The following LAMA5 variants were observed in gnomAD, a reference collection of about 807,000 sequenced individuals.
LAMA5 encodes laminin subunit alpha 5, also known as laminin subunit alpha-5.
LAMA5 carries 260 observed loss-of-function variants against 433.4 expected under a neutral mutation model. The observed-to-expected ratio is 0.60, with a 90% CI of 0.54 to 0.66. The LOEUF (loss-of-function observed/expected upper bound fraction) is 0.66, where lower values mean the gene tolerates loss of function less well. Among genes scored for constraint, LAMA5 ranks in the 30% least tolerant of loss-of-function variants. LAMA5 has a pLI of 0.00. For missense variants in LAMA5, 5,378 were observed against 5,258.5 expected (o/e 1.02, Z -0.70); for synonymous variants, 2,620 against 2,226.6 (o/e 1.18, Z -4.97).
In LAMA5 at chr20:62,312,677, T is replaced by C. The variant is rs1208359607; in HGVS notation, c.9182A>G (p.Asp3061Gly). 6.2e-7 allele frequency: 1 copy of C among 1,607,460 alleles called. No individual in the cohort carries two copies. Among genetic ancestry groups the C allele is most frequent in the Non-Finnish European group, 8.5e-7 (1 of 1,177,912 alleles). The change falls in exon 67 of 80, where the codon GAC becomes GGC. Residue 3061 changes from aspartate (D) to glycine (G), a missense_variant. Transcript: ENST00000252999. ...CGGCACGCCCCCCAGGTAGTAGGCG[T>C]CGGCCAGCTCCAGATCATTGTCCTG... is the stretch of plus-strand genomic sequence containing the variant. ...VEQDNDLELA[D>G]AYYLGGVPPD...
At chr20:62,327,168 C>T in intron 38 of LAMA5, 65 bp downstream of exon 38, 1 of 1,418,882 alleles carries the variant, frequency 7.0e-7, no homozygotes. Flanking sequence ...GCTCCTGGCT[C>T]CCAACCCTCT....
At position 62,335,066 on chromosome 20, in the gene LAMA5, C is replaced by G. The variant is rs749616184; in HGVS notation, c.2437G>C (p.Asp813His). 6.2e-7 allele frequency: 1 copy of G among 1,613,014 alleles called. No homozygotes were observed. The highest frequency in any genetic ancestry group is 8.5e-7 in the Non-Finnish European group (1 of 1,179,702). Reference protein sequence around the residue: ...VCGQACASCKDGFFGLDQADY... With the variant: ...VCGQACASCKHGFFGLDQADY... ...GCCTGATCCAGTCCAAAGAAGCCAT[C>G]CTTGCAGGACGCGCAGGCCTGGCCG... Residue 813 changes from aspartate to histidine, a missense_variant, in exon 20 of 80, where the codon GAT becomes CAT. Coordinates refer to ENST00000252999, the MANE Select transcript of LAMA5 (RefSeq NM_005560.6).
In LAMA5 at chr20:62,335,259, G is replaced by A. The variant is rs762610515; in HGVS notation, c.2334C>T (p.Cys778=). 11 of 1,612,338 alleles carry A rather than the reference G, an allele frequency of 6.8e-6. No individual in the cohort carries two copies. The highest frequency in any genetic ancestry group is 1.7e-4 in the Middle Eastern group (1 of 5,930). The change falls in exon 19 of 80, where the codon TGC becomes TGT. Residue 778 remains cysteine, a synonymous_variant. Coordinates refer to ENST00000252999, the MANE Select transcript of LAMA5 (RefSeq NM_005560.6). ...SNPEGCTRCS[C]DLRGTLGGVA... ...CTCCACCCAGTGTGCCCCTGAGGTC[G>A]CAGCTGCAGCCTGGGGAGAGCAGGG...
At chr20:62,335,732 C>G (rs1284348471) in intron 18 of LAMA5, among the ~76,000 whole-genome samples, 1 of 147,534 alleles carries the variant, frequency 6.8e-6, no homozygotes, top group African/African-American at 2.5e-5. Context: ...GCTCCAGCAC[C>G]CCGAGGAAAC....
intron 75 of LAMA5, 41 bp from the exon 76 acceptor site, chr20:62,310,613 C>G: frequency 6.3e-7 from 1 of 1,581,346 alleles, no homozygotes; most frequent in Non-Finnish European, 8.6e-7. Flanking sequence ...CCCAGGGCAG[C>G]TGAAAGGGAA....
chr20:62,347,507 C>G (rs895718443), intron 6 of LAMA5, among the ~76,000 whole-genome samples: 9 of 152,188 alleles, frequency 5.9e-5, no homozygotes, highest in Admixed American at 5.9e-4. Flanking sequence ...ATTTGCACCC[C>G]CCAAGGCTCA....
At chr20:62,313,057 G>GGGGATGGC (rs1986497111) in intron 65 of LAMA5, 31 bp downstream of exon 65, 1 of 1,604,330 alleles carries the variant, frequency 6.2e-7, no homozygotes, top group Middle Eastern at 1.7e-4. Flanking sequence ...CAGTGCAAGT[G>GGGGATGGC]GGGATGGCAG....
rs570886207 is a variant in LAMA5, at chr20:62,340,491, A to G, written c.1478-1883T>C. ...CATGCACAGCTTATTTTGTATTTTT[A>G]GTAGAGACGGGGTTTCTCCATGTTG... On this transcript the variant is annotated intron_variant, in intron 11 of 79. Coordinates refer to ENST00000252999, the MANE Select transcript of LAMA5 (RefSeq NM_005560.6). Among the ~76,000 whole-genome samples, 13 of 151,458 alleles carry G rather than the reference A, an allele frequency of 8.6e-5. No homozygotes were observed. In the East Asian group the frequency reaches 2.4e-3, roughly 28 times the overall value.
intron 6 of LAMA5, among the ~76,000 whole-genome samples, chr20:62,350,680 C>G (rs1984154509): frequency 6.6e-6 from 1 of 152,222 alleles, no homozygotes; most frequent in South Asian, 2.1e-4. Flanking sequence ...TCGTCACACA[C>G]TCAGCCTCAG....
intron 40 of LAMA5, 53 bp from the exon 41 acceptor site, chr20:62,325,599 G>T: frequency 1.5e-6 from 2 of 1,303,638 alleles, no homozygotes; most frequent in Non-Finnish European, 2.2e-6. Flanking sequence ...GGACAGAACA[G>T]GGAGCCTAGA....
At position 62,320,740 on chromosome 20, in the gene LAMA5, T is replaced by C; in HGVS notation, c.6647A>G (p.Gln2216Arg). ...HRLNASIADL[Q>R]SQLRSPLGPR... is the part of the protein sequence containing the mutation. Reference sequence around the variant, plus strand: ...AGGGAAGGCCAGGACGCTCAGTACCTGCAGGTCAGCGATGGAGGCGTTCAG... The same window carrying C: ...AGGGAAGGCCAGGACGCTCAGTACCCGCAGGTCAGCGATGGAGGCGTTCAG... Residue 2216 changes from glutamine (Q) to arginine (R), a missense_variant and splice_region_variant, in exon 49 of 80, where the codon CAG becomes CGG. Transcript: ENST00000252999. The C allele has an allele frequency of 6.2e-7, 1 of 1,612,618 alleles. No individual in the cohort carries two copies. The highest frequency in any genetic ancestry group is 8.5e-7 in the Non-Finnish European group (1 of 1,179,892).
chr20:62,335,394 G>A, intron 18 of LAMA5, 125 bp from the exon 19 acceptor site: 1 of 889,572 alleles, frequency 1.1e-6, no homozygotes, highest in South Asian at 1.6e-5. Flanking sequence ...GCACCCCCAG[G>A]AGCCCCTGCA....
At position 62,326,979 on chromosome 20, in the gene LAMA5, C is replaced by A; in HGVS notation, c.5113-13G>T. ...CGTAGGATGACACCTGGAGGCAGGACAGACAGAGGTGACCTGGCCAGACTC... is the reference window on the plus strand; with the variant it reads ...CGTAGGATGACACCTGGAGGCAGGAAAGACAGAGGTGACCTGGCCAGACTC... On this transcript the variant is annotated splice_polypyrimidine_tract_variant and intron_variant, in intron 38 of 79. Coordinates refer to ENST00000252999, the MANE Select transcript of LAMA5 (RefSeq NM_005560.6). 3 of 1,575,132 alleles carry A rather than the reference C, an allele frequency of 1.9e-6. No individual in the cohort carries two copies. Among genetic ancestry groups the A allele is most frequent in the Non-Finnish European group, 2.6e-6 (3 of 1,150,458 alleles).
Position 62,327,878 on chromosome 20 carries a change from C to T in LAMA5, c.4785G>A (p.Gln1595=). ...AGCCCTCACTCACCTTACAGTAGCACTGCCCTGTGAGGGGGTCACACACGC... is the reference window on the plus strand; with the variant it reads ...AGCCCTCACTCACCTTACAGTAGCATTGCCCTGTGAGGGGGTCACACACGC... ...APGVCDPLTG[Q]CYCKENVQGP... is the part of the protein sequence containing the mutation. The change falls in exon 36 of 80, where the codon CAG becomes CAA. Residue 1595 remains glutamine (Q), a synonymous_variant. Transcript: ENST00000252999. 6.2e-7 allele frequency: 1 copy of T among 1,609,346 alleles called. No homozygotes were observed. The highest frequency in any genetic ancestry group is 1.1e-5 in the South Asian group (1 of 90,622).
chr20:62,340,256 T>C (rs1982369491), intron 11 of LAMA5, among the ~76,000 whole-genome samples: 1 of 150,544 alleles, frequency 6.6e-6, no homozygotes, highest in Non-Finnish European at 1.5e-5. Context: ...GGACAGAAAT[T>C]GAGCAAGGGT....
rs7270809 is a variant in LAMA5 at position 62,355,548 on chromosome 20, C to T, written c.451-2297G>A. ...ATCCCACCCTTCTCGGAGGGCTTGG[C>T]GTTGCGGGGACTGTGGGAGCCAAGC... On this transcript the variant is annotated intron_variant, in intron 2 of 79. Transcript: ENST00000252999. 829 of 152,392 alleles carry T rather than the reference C, an allele frequency of 5.4e-3. 2 individuals carry two copies. Among genetic ancestry groups the T allele is most frequent in the Admixed American group, 6.8e-3 (104 of 15,296 alleles). The allele number at this position is 152,392 out of a possible 1,614,324, so 9.4% of individuals were successfully genotyped here.
At chr20:62,345,489 T>C (rs6143034) in intron 11 of LAMA5, 103,892 of 445,622 alleles carry the variant, frequency 0.23, 12,829 homozygotes, top group African/African-American at 0.33. Flanking sequence ...TCACTGCAGC[T>C]TCGGCCTTCC....
chr20:62,343,919 C>T (rs898218774), intron 11 of LAMA5, among the ~76,000 whole-genome samples: 4 of 151,562 alleles, frequency 2.6e-5, no homozygotes, highest in South Asian at 2.1e-4. Context: ...CCAAGGCAGG[C>T]GGATTACCTG....
At chr20:62,360,870 A>G (rs762851994) in intron 2 of LAMA5, among the ~76,000 whole-genome samples, 2 of 152,066 alleles carry the variant, frequency 1.3e-5, no homozygotes, top group Non-Finnish European at 2.9e-5. Context: ...ACCGAGGCCG[A>G]GAGAGCCCCA....
Sources: gnomAD v4.1 joint callset for allele counts (sites outside exome capture counted in the v4.1 genomes callset) on GRCh38, gnomAD v4.1.1 for gene constraint, MANE v1.5 for transcripts, NCBI Gene and HGNC (gene_info 2026-07-23, HGNC 2026-07-21) for gene names.